Variants in DNAAF11 observed in about 807,000 individuals in gnomAD.
The protein encoded by DNAAF11 is leucine rich repeat containing 6.
A neutral mutation model predicts 60.8 loss-of-function variants in DNAAF11; 45 were observed. The observed-to-expected ratio is 0.74, with a 90% CI of 0.58 to 0.95. DNAAF11 has a LOEUF of 0.95. Among genes scored for constraint, DNAAF11 ranks in the 40% least tolerant of loss-of-function variants. The pLI, the probability that DNAAF11 is intolerant of heterozygous loss-of-function variation, is 0.00. For synonymous variants in DNAAF11, 191 were observed against 183.5 expected (o/e 1.04, Z -0.33); for missense variants, 546 against 546.2 (o/e 1.00, Z 0.00).
intron 1 of DNAAF11, among the ~76,000 whole-genome samples, chr8:132,669,545 C>G (rs1314219409): frequency 6.6e-6 from 1 of 152,146 alleles, no homozygotes; most frequent in African/African-American, 2.4e-5. Flanking sequence ...CACAACTGAT[C>G]AGGAAAGGCT....
In DNAAF11 at chr8:132,595,347, G is replaced by GAAAAAAAAAAAA. The variant is rs1563992420; in HGVS notation, c.1141-11569_1141-11568insTTTTTTTTTTTT. Among the ~76,000 whole-genome samples the GAAAAAAAAAAAA allele has an allele frequency of 1.2e-4, 5 of 40,676 alleles. 2 individuals are homozygous for GAAAAAAAAAAAA. The highest frequency in any genetic ancestry group is 1.9e-4 in the Non-Finnish European group (4 of 21,376). 26.7% of individuals were successfully genotyped at this position (40,676 alleles called of 152,430 possible). A position where few individuals can be genotyped will look rare whatever the true frequency, so the allele number is the denominator to read the frequency against. ...TTCCCGAAAGAGAGAGAGACAGAGGGGAAAAAAAAAAAAAAAAAAAAAAAA... is the reference window on the plus strand; with the variant it reads ...TTCCCGAAAGAGAGAGAGACAGAGGGAAAAAAAAAAAAGAAAAAAAAAAAAAAAAAAAAAAAA... On this transcript the variant is annotated intron_variant, in intron 10 of 11. Transcript: ENST00000620350.
intron 6 of DNAAF11, 30 bp downstream of exon 6, chr8:132,625,242 G>C: frequency 1.3e-6 from 2 of 1,526,014 alleles, no homozygotes; most frequent in Non-Finnish European, 1.8e-6. Flanking sequence ...AGTGGCTACT[G>C]CTTCCCTCTC....
At chr8:132,630,140 C>T (rs575502714) in intron 5 of DNAAF11, among the ~76,000 whole-genome samples, 2 of 152,116 alleles carry the variant, frequency 1.3e-5, no homozygotes, top group African/African-American at 2.4e-5. Context: ...TGATTAGCAG[C>T]GGATTCTAAA....
chr8:132,648,320 G>A (rs201495390), intron 3 of DNAAF11, among the ~76,000 whole-genome samples: 9 of 151,970 alleles, frequency 5.9e-5, no homozygotes, highest in African/African-American at 2.2e-4. Context: ...CCCTTCATGC[G>A]AAAAACTCTC....
the DNAAF11 span, among the ~76,000 whole-genome samples, chr8:132,684,008 T>G: frequency 3.3e-5 from 5 of 152,258 alleles, no homozygotes; most frequent in Non-Finnish European, 4.4e-5. Context: ...CTGGTTGATA[T>G]GCCTCTTGAT....
At chr8:132,681,048 T>A in the DNAAF11 span, among the ~76,000 whole-genome samples, 2 of 117,486 alleles carry the variant, frequency 1.7e-5, no homozygotes, top group African/African-American at 3.1e-5. Flanking sequence ...TTCACTCTTG[T>A]TGCCCAGGCT....
intron 11 of DNAAF11, among the ~76,000 whole-genome samples, chr8:132,580,562 G>A (rs1224026791): frequency 6.6e-6 from 1 of 152,016 alleles, no homozygotes; most frequent in Non-Finnish European, 1.5e-5. Flanking sequence ...TTACCACAAT[G>A]AAAAAGTAAA....
At chr8:132,647,568 C>T (rs1429584321) in intron 3 of DNAAF11, among the ~76,000 whole-genome samples, 1 of 152,160 alleles carries the variant, frequency 6.6e-6, no homozygotes, top group Non-Finnish European at 1.5e-5. Flanking sequence ...ATCAATGAAT[C>T]CAGGAGCTGG....
the DNAAF11 span, among the ~76,000 whole-genome samples, chr8:132,680,880 G>T: frequency 6.6e-6 from 1 of 151,338 alleles, no homozygotes; most frequent in African/African-American, 2.4e-5. Flanking sequence ...ACCCTTAGAA[G>T]AGTATTTGAC....
At position 132,675,407 on chromosome 8, in the gene DNAAF11, G is replaced by A. The variant is rs1266732471; in HGVS notation, c.10+77C>T. The A allele has an allele frequency of 5.4e-6, 8 of 1,473,416 alleles. No homozygotes were observed. In the Admixed American group the frequency reaches 8.0e-5, roughly 15 times the overall value. 91.3% of individuals were successfully genotyped at this position (1,473,416 alleles called of 1,614,324 possible). On this transcript the variant is annotated intron_variant, in intron 1 of 11. Coordinates refer to ENST00000620350, the MANE Select transcript of DNAAF11 (RefSeq NM_012472.6). ...AACCGACAGCGCAGGGCGGGAGCGG[G>A]CGGCGAGGATCCCACGAGACCCGGG...
rs60930689 is a variant in DNAAF11, at chr8:132,584,823, T to C, written c.1141-1044A>G. 6.3e-3 allele frequency among the ~76,000 whole-genome samples: 954 copies of C among 152,260 alleles called. 6 individuals are homozygous for C. The highest frequency in any genetic ancestry group is 0.022 in the African/African-American group (911 of 41,534). On this transcript the variant is annotated intron_variant, in intron 10 of 11. Transcript: ENST00000620350. ...TGTGATCCAGGTTCATGCAACTGAT[T>C]AAGGAAAAGACTAGGCCTGGACTTC...
chr8:132,642,552 C>G lies in DNAAF11; in HGVS notation c.257-4445G>C, dbSNP rs561063411. On this transcript the variant is annotated intron_variant, in intron 3 of 11. Transcript: ENST00000620350. ...TGCAAATAATTGCTCTGGGACATGT[C>G]AGAAGCCAGATCAAGTGTCTGGCTA... is the stretch of plus-strand genomic sequence containing the variant. Among the ~76,000 whole-genome samples the G allele has an allele frequency of 4.6e-4, 70 of 152,326 alleles. 2 individuals carry two copies. In the South Asian group the frequency reaches 0.012, roughly 27 times the overall value.
intron 7 of DNAAF11, among the ~76,000 whole-genome samples, chr8:132,618,581 G>A (rs1354979976): frequency 7.9e-6 from 1 of 126,494 alleles, no homozygotes; most frequent in Non-Finnish European, 1.6e-5. Flanking sequence ...AATCTACAAT[G>A]AACTCAAACA....
intron 3 of DNAAF11, among the ~76,000 whole-genome samples, chr8:132,644,617 T>C (rs1197393065): frequency 2.6e-5 from 4 of 152,032 alleles, no homozygotes; most frequent in East Asian, 1.9e-4. Context: ...ACCTGGAAAA[T>C]TGGGACACTC....
chr8:132,611,850 G>A (rs1818700874), intron 8 of DNAAF11, among the ~76,000 whole-genome samples: 1 of 152,100 alleles, frequency 6.6e-6, no homozygotes, highest in Admixed American at 6.6e-5. Flanking sequence ...ACATCCTGCT[G>A]AATAAGCAAA....
the DNAAF11 span, among the ~76,000 whole-genome samples, chr8:132,682,516 A>G: frequency 6.1e-3 from 935 of 152,344 alleles, 14 homozygotes; most frequent in African/African-American, 0.022. Context: ...ATCATGAGAT[A>G]TAGTCAAATA....
chr8:132,622,639 C>A lies in DNAAF11; in HGVS notation c.886G>T (p.Gly296Trp). Residue 296 changes from glycine to tryptophan, a missense_variant, in exon 7 of 12, where the codon GGG (glycine) becomes TGG (tryptophan). Gly to Trp is a radical substitution (Grantham distance 184). Coordinates refer to ENST00000620350, the MANE Select transcript of DNAAF11 (RefSeq NM_012472.6). ...GGCTCATTCACATTTAGGGCTTTCCCATCTTCAGTGATCAAAGTCCTGGGT... is the reference window on the plus strand; with the variant it reads ...GGCTCATTCACATTTAGGGCTTTCCAATCTTCAGTGATCAAAGTCCTGGGT... Reference protein sequence around the residue: ...KPPRTLITEDGKALNVNEPKI... With the variant: ...KPPRTLITEDWKALNVNEPKI... The A allele has an allele frequency of 6.2e-7, 1 of 1,613,752 alleles. No individual in the cohort carries two copies. Among genetic ancestry groups the A allele is most frequent in the Non-Finnish European group, 8.5e-7 (1 of 1,179,810 alleles).
intron 10 of DNAAF11, among the ~76,000 whole-genome samples, chr8:132,601,778 G>A (rs1020887975): frequency 1.3e-5 from 2 of 152,098 alleles, no homozygotes; most frequent in Non-Finnish European, 2.9e-5. Flanking sequence ...GTCATGGGGT[G>A]CGGGGAGGGT....
the DNAAF11 span, among the ~76,000 whole-genome samples, chr8:132,687,869 C>G: frequency 1.3e-5 from 2 of 152,124 alleles, no homozygotes; most frequent in Non-Finnish European, 2.9e-5. Context: ...CCCCCAGGAA[C>G]TGCATGGTTT....
Sources: allele counts gnomAD v4.1 joint callset (sites outside exome capture counted in the v4.1 genomes callset), GRCh38; gene constraint gnomAD v4.1.1; transcripts MANE v1.5; gene names NCBI Gene and HGNC (gene_info 2026-07-23, HGNC 2026-07-21).